The following ARID1A variants were observed in gnomAD, a reference collection of about 807,000 sequenced individuals.
ARID1A encodes the protein AT-rich interaction domain 1A, also known as AT-rich interactive domain-containing protein 1A.
A neutral mutation model predicts 212.6 loss-of-function variants in ARID1A; 20 were observed. The ratio of observed to expected loss-of-function variants is 0.09; its 90% confidence interval spans 0.07 to 0.14. The LOEUF (loss-of-function observed/expected upper bound fraction) is 0.14, where lower values mean the gene tolerates loss of function less well. Ranked by LOEUF, ARID1A falls within the 10% of genes least tolerant of loss-of-function variation. ARID1A has a pLI of 1.00. For missense variants in ARID1A, 2,587 were observed against 3,059.0 expected (o/e 0.85, Z 3.64); for synonymous variants, 1,376 against 1,222.1 (o/e 1.13, Z -2.63).
At chr1:26,754,001 G>A (rs1252243223) in intron 4 of ARID1A, among the ~76,000 whole-genome samples, 1 of 152,164 alleles carries the variant, frequency 6.6e-6, no homozygotes, top group Non-Finnish European at 1.5e-5. Context: ...TAGAGATGGG[G>A]TTTCACTGTG....
At position 26,771,683 on chromosome 1, in the gene ARID1A, A is replaced by G. The variant is rs1354691675; in HGVS notation, c.3406+357A>G. On this transcript the variant is annotated intron_variant, in intron 12 of 19. Coordinates refer to ENST00000324856, the MANE Select transcript of ARID1A (RefSeq NM_006015.6). This position sits in a 1 kb window ranked among gnomAD's most constrained non-coding sequence, Gnocchi z 5.4. The stretch of plus-strand genomic sequence containing the variant: ...TATTGATGTCAGCACCTTAGAATGC[A>G]GCTCAGACTAGAGCCCTGAATTCCC... 3 of 292,548 alleles carry G rather than the reference A, an allele frequency of 1.0e-5. No homozygotes were observed. Among genetic ancestry groups the G allele is most frequent in the Non-Finnish European group, 2.0e-5 (3 of 151,908 alleles). 18.1% of individuals were successfully genotyped at this position (292,548 alleles called of 1,614,324 possible).
At chr1:26,747,276 A>G (rs1315672186) in intron 4 of ARID1A, among the ~76,000 whole-genome samples, 1 of 152,158 alleles carries the variant, frequency 6.6e-6, no homozygotes, top group African/African-American at 2.4e-5. Flanking sequence ...ATTGGTTGGT[A>G]TTGTGACATA....
chr1:26,773,207 C>T, intron 14 of ARID1A, 139 bp from the exon 15 acceptor site: 1 of 1,321,912 alleles, frequency 7.6e-7, no homozygotes, highest in Non-Finnish European at 1.0e-6. Flanking sequence ...CTGGTTGGGG[C>T]CTCTTTAGAT....
At position 26,699,954 on chromosome 1, in the gene ARID1A, T is replaced by C. The variant is rs539784064; in HGVS notation, c.1137+2414T>C. 5.9e-5 allele frequency among the ~76,000 whole-genome samples: 9 copies of C among 152,354 alleles called. No homozygotes were observed. The East Asian group carries it at 1.5e-3, about 26-fold the overall frequency. On this transcript the variant is annotated intron_variant, in intron 1 of 19. Transcript: ENST00000324856. ...TAGGAGAATAGATACAGTCCCTGTTTGGATGCCTGTCTGTGCTGCCTTTGG... is the reference window on the plus strand; with the variant it reads ...TAGGAGAATAGATACAGTCCCTGTTCGGATGCCTGTCTGTGCTGCCTTTGG...
chr1:26,701,420 C>T (rs922553040), intron 1 of ARID1A, among the ~76,000 whole-genome samples: 3 of 152,084 alleles, frequency 2.0e-5, no homozygotes, highest in Non-Finnish European at 4.4e-5. Flanking sequence ...CTGACGCACA[C>T]TTACGTTGTT....
intron 1 of ARID1A, among the ~76,000 whole-genome samples, chr1:26,725,110 G>A (rs2080604229): frequency 6.6e-6 from 1 of 152,074 alleles, no homozygotes; most frequent in Non-Finnish European, 1.5e-5. Flanking sequence ...CTTTTGAAGT[G>A]TAATCACAGT....
At chr1:26,773,999 T>C in intron 17 of ARID1A, 101 bp downstream of exon 17, 1 of 1,443,020 alleles carries the variant, frequency 6.9e-7, no homozygotes, top group South Asian at 1.3e-5. Flanking sequence ...TCACTTTAGA[T>C]ATTTTGGCAT....
At chr1:26,731,085 C>T (rs2124787505) in intron 2 of ARID1A, 67 bp from the exon 3 acceptor site, 1 of 1,508,492 alleles carries the variant, frequency 6.6e-7, no homozygotes, top group East Asian at 2.3e-5. Context: ...CATAGCTTCT[C>T]ACAAAACACT....
chr1:26,722,026 A>G (rs895230676), intron 1 of ARID1A, among the ~76,000 whole-genome samples: 5 of 152,208 alleles, frequency 3.3e-5, no homozygotes, highest in South Asian at 2.1e-4. Context: ...CTCTAAGCCC[A>G]GAAGAGAATG....
intron 1 of ARID1A, among the ~76,000 whole-genome samples, chr1:26,714,515 G>A (rs2080483415): frequency 6.6e-6 from 1 of 152,110 alleles, no homozygotes; most frequent in African/African-American, 2.4e-5. Context: ...CTGGGTTCAA[G>A]TGATTTTTCT....
chr1:26,751,458 C>T (rs985949449), intron 4 of ARID1A, among the ~76,000 whole-genome samples: 1 of 152,148 alleles, frequency 6.6e-6, no homozygotes, highest in African/African-American at 2.4e-5. Flanking sequence ...TTGATCATGT[C>T]AAGCTTCTAT....
intron 1 of ARID1A, among the ~76,000 whole-genome samples, chr1:26,704,859 C>CA (rs397811032): frequency 0.085 from 10,768 of 126,238 alleles, 398 homozygotes; most frequent in Non-Finnish European, 0.093. Context: ...GACCTTGTCT[C>CA]AAAAAAAAAA....
chr1:26,715,844 A>G (rs1313205093), intron 1 of ARID1A, among the ~76,000 whole-genome samples: 1 of 152,060 alleles, frequency 6.6e-6, no homozygotes, highest in Non-Finnish European at 1.5e-5. Flanking sequence ...CCGTCTTAAA[A>G]AAAAAAACAT....
intron 1 of ARID1A, among the ~76,000 whole-genome samples, chr1:26,720,945 T>C (rs201596573): frequency 1.3e-5 from 2 of 151,762 alleles, no homozygotes; most frequent in East Asian, 3.9e-4. Flanking sequence ...GAGGGTAGAA[T>C]TGGATTGAGT....
intron 1 of ARID1A, among the ~76,000 whole-genome samples, chr1:26,721,999 T>G (rs1230009089): frequency 6.6e-6 from 1 of 152,186 alleles, no homozygotes; most frequent in African/African-American, 2.4e-5. Context: ...AGGATAGAGA[T>G]ATGGTAGTCT....
chr1:26,767,409 G>T (rs1322810173), intron 10 of ARID1A, among the ~76,000 whole-genome samples: 1 of 152,206 alleles, frequency 6.6e-6, no homozygotes, highest in African/African-American at 2.4e-5. Flanking sequence ...AGTAGTGTGG[G>T]AGCAGTAGTG....
In ARID1A at chr1:26,775,032, G is replaced by A. The variant is rs1295471823; in HGVS notation, c.4805G>A (p.Ser1602Asn). Residue 1602 changes from serine to asparagine, a missense_variant, in exon 18 of 20, where the codon AGC becomes AAC. Ser to Asn is a conservative substitution (Grantham distance 46). Coordinates refer to ENST00000324856, the MANE Select transcript of ARID1A (RefSeq NM_006015.6). ...CCAATGGAGAACCGCACCTCTCCTA[G>A]CAAGTCTCCATTCCTGCACTCTGGG... ...PRPMENRTSPSKSPFLHSGMK... is the reference protein window; with the variant it reads ...PRPMENRTSPNKSPFLHSGMK... The A allele has an allele frequency of 2.5e-6, 4 of 1,608,846 alleles. No homozygotes were observed. Among genetic ancestry groups the A allele is most frequent in the Admixed American group, 1.7e-5 (1 of 59,122 alleles).
intron 4 of ARID1A, among the ~76,000 whole-genome samples, chr1:26,754,929 GGCAACA>G (rs1172256011): frequency 7.2e-5 from 11 of 152,110 alleles, no homozygotes; most frequent in African/African-American, 2.7e-4. Flanking sequence ...GACCAGCCTG[GGCAACA>G]TGGTGAAACC....
intron 4 of ARID1A, among the ~76,000 whole-genome samples, chr1:26,748,564 C>T (rs577791034): frequency 3.3e-5 from 5 of 151,218 alleles, no homozygotes; most frequent in Middle Eastern, 3.4e-3. Context: ...TAAATATGCA[C>T]TGCTCTTGGC....
Sources: allele counts gnomAD v4.1 joint callset (sites outside exome capture counted in the v4.1 genomes callset), GRCh38; gene constraint gnomAD v4.1.1; non-coding constraint Gnocchi (gnomAD v3.1); transcripts MANE v1.5; gene names NCBI Gene and HGNC (gene_info 2026-07-23, HGNC 2026-07-21).